Variants in DOCK11 observed in about 807,000 individuals in gnomAD.
DOCK11 encodes the protein dedicator of cytokinesis 11.
A neutral mutation model predicts 169.1 loss-of-function variants in DOCK11; 70 were observed. The observed-to-expected ratio is 0.41, with a 90% CI of 0.34 to 0.51. The LOEUF (loss-of-function observed/expected upper bound fraction) is 0.51, where lower values mean the gene tolerates loss of function less well. DOCK11 is among the 20% of genes least tolerant of loss of function. The pLI is 0.10. For missense variants in DOCK11, 1,166 were observed against 1,538.8 expected (o/e 0.76, Z 4.05); for synonymous variants, 529 against 541.3 (o/e 0.98, Z 0.32).
intron 52 of DOCK11, among the ~76,000 whole-genome samples, chrX:118,684,396 C>T (rs1603194916): frequency 9.3e-6 from 1 of 107,677 alleles, no homozygotes; most frequent in East Asian, 2.9e-4. Context: ...CCTCAGCCTC[C>T]CAAGTAGCTG....
chrX:118,520,062 T>C (rs2057713259), intron 1 of DOCK11, among the ~76,000 whole-genome samples: 2 of 112,166 alleles, frequency 1.8e-5, no homozygotes, highest in South Asian at 7.5e-4. Context: ...CTCCTCAGTC[T>C]CTAAGAGAAC....
chrX:118,546,210 CAAAAAAA>C (rs1556269491), intron 6 of DOCK11, 94 bp downstream of exon 6: 43 of 49,239 alleles, frequency 8.7e-4, no homozygotes, highest in Admixed American at 1.0e-3. Flanking sequence ...AGAGCCCTAG[CAAAAAAA>C]AAAAAAAAAA....
At position 118,605,346 on chromosome X, in the gene DOCK11, A is replaced by G; in HGVS notation, c.2671A>G (p.Asn891Asp). 1 of 1,160,562 alleles carries G rather than the reference A, an allele frequency of 8.6e-7. No homozygotes were observed. Among genetic ancestry groups the G allele is most frequent in the Non-Finnish European group, 1.2e-6 (1 of 859,002 alleles). The change falls in exon 24 of 53, where the codon AAC becomes GAC. Residue 891 changes from asparagine to aspartate, a missense_variant. Transcript: ENST00000276202. Reference protein sequence around the residue: ...NMTHEDDVPINCTMVLLHIVS... With the variant: ...NMTHEDDVPIDCTMVLLHIVS... ...GACCCATGAAGATGACGTTCCTATC[A>G]ACTGCACCATGTGAGTTTTGGTGTT... is the stretch of plus-strand genomic sequence containing the variant.
chrX:118,672,524 C>T (rs2016503171), intron 46 of DOCK11, among the ~76,000 whole-genome samples: 1 of 112,967 alleles, frequency 8.9e-6, no homozygotes, highest in Non-Finnish European at 1.9e-5. Context: ...GCTCCACCTC[C>T]CGGGTTCACG....
chrX:118,572,686 T>C (rs1293968126), intron 11 of DOCK11, among the ~76,000 whole-genome samples: 2 of 112,080 alleles, frequency 1.8e-5, no homozygotes, highest in African/African-American at 6.5e-5. Flanking sequence ...GAACTATTAA[T>C]AATTGACTGT....
In DOCK11 at chrX:118,497,544, G is replaced by C. The variant is rs771741387; in HGVS notation, c.102+1471G>C. On this transcript the variant is annotated intron_variant, in intron 1 of 52. Coordinates refer to ENST00000276202, the MANE Select transcript of DOCK11 (RefSeq NM_144658.4). ...CCTTTAATGTTACTTTAATGGACTT[G>C]GCTTGTGTATTTCAGTCTGATTTTG... is the stretch of plus-strand genomic sequence containing the variant. 3.6e-5 allele frequency among the ~76,000 whole-genome samples: 4 copies of C among 112,092 alleles called. No homozygotes were observed. In the South Asian group the frequency reaches 1.5e-3, roughly 41 times the overall value.
At chrX:118,520,187 C>A (rs1054409003) in intron 1 of DOCK11, among the ~76,000 whole-genome samples, 3 of 111,890 alleles carry the variant, frequency 2.7e-5, no homozygotes, top group Non-Finnish European at 5.6e-5. Flanking sequence ...TATTAGGAAA[C>A]CAATATGATA....
intron 1 of DOCK11, among the ~76,000 whole-genome samples, chrX:118,542,519 TTTGTG>T (rs2012056975): frequency 1.5e-5 from 1 of 67,078 alleles, no homozygotes; most frequent in African/African-American, 5.8e-5. Flanking sequence ...TGTGTGTGTG[TTTGTG>T]TGTGTGTGTG....
chrX:118,534,061 T>G (rs1160613344), intron 1 of DOCK11, among the ~76,000 whole-genome samples: 1 of 112,485 alleles, frequency 8.9e-6, no homozygotes, highest in African/African-American at 3.2e-5. Context: ...AAAGGCTCTT[T>G]GCCATTCTAG....
intron 1 of DOCK11, among the ~76,000 whole-genome samples, chrX:118,496,683 G>T (rs1179833520): frequency 3.6e-5 from 4 of 112,038 alleles, no homozygotes; most frequent in Admixed American, 9.4e-5. Context: ...GGGTGCTGCT[G>T]CGGAGGAAGG....
At chrX:118,597,767 T>A (rs2014213984) in intron 21 of DOCK11, among the ~76,000 whole-genome samples, 1 of 111,551 alleles carries the variant, frequency 9.0e-6, no homozygotes, top group African/African-American at 3.3e-5. Flanking sequence ...ATTTTTTTAG[T>A]GGGGCTCAGA....
intron 24 of DOCK11, among the ~76,000 whole-genome samples, chrX:118,606,847 T>C (rs747898515): frequency 1.8e-5 from 2 of 110,904 alleles, no homozygotes; most frequent in African/African-American, 3.3e-5. Flanking sequence ...AATCAGAAAT[T>C]CCGGGAGAGG....
chrX:118,541,449 T>G (rs2011998356), intron 1 of DOCK11, among the ~76,000 whole-genome samples: 1 of 111,640 alleles, frequency 9.0e-6, no homozygotes, highest in African/African-American at 3.3e-5. Flanking sequence ...GTCAGTTGCA[T>G]GTGTACACAC....
chrX:118,619,439 C>G (rs2014907015), intron 31 of DOCK11, among the ~76,000 whole-genome samples: 1 of 95,222 alleles, frequency 1.1e-5, no homozygotes, highest in African/African-American at 3.9e-5. Context: ...TGAGATCATG[C>G]CACTGCACTC....
At chrX:118,551,063 G>T (rs2012476652) in intron 6 of DOCK11, among the ~76,000 whole-genome samples, 1 of 111,826 alleles carries the variant, frequency 8.9e-6, no homozygotes, top group African/African-American at 3.2e-5. Flanking sequence ...AGCATTGGTA[G>T]ATTTAGCAAC....
Position 118,590,277 on chromosome X carries a change from A to G in DOCK11, c.2114A>G (p.Asn705Ser), listed in dbSNP as rs951276998. 1.7e-6 allele frequency: 2 copies of G among 1,209,084 alleles called. No homozygotes were observed. The change falls in exon 19 of 53, where the codon AAC (asparagine) becomes AGC (serine). Residue 705 changes from asparagine (N) to serine (S), a missense_variant. Physicochemically the swap from Asn to Ser is conservative, Grantham distance 46. Transcript: ENST00000276202. ...TNAYAVVSHHNQNPEFYDEIK... is the reference protein window; with the variant it reads ...TNAYAVVSHHSQNPEFYDEIK... ...GCTTATGCTGTTGTCTCGCATCACA[A>G]CCAAAATCCAGAGTTCTATGATGAG...
At position 118,519,414 on chromosome X, in the gene DOCK11, G is replaced by T. The variant is rs185800000; in HGVS notation, c.103-23311G>T. 6.8e-3 allele frequency among the ~76,000 whole-genome samples: 760 copies of T among 112,045 alleles called. 9 individuals are homozygous for T. The highest frequency in any genetic ancestry group is 0.023 in the African/African-American group (709 of 30,847). ...AATACAAAAAAATTAGCCAGGCGTG[G>T]TGGCACACACCTGTAATCCCAGCTA... On this transcript the variant is annotated intron_variant, in intron 1 of 52. Transcript: ENST00000276202.
chrX:118,643,856 A>G (rs1392830036), intron 40 of DOCK11, among the ~76,000 whole-genome samples: 4 of 111,998 alleles, frequency 3.6e-5, no homozygotes, highest in Non-Finnish European at 7.5e-5. Flanking sequence ...TCGTTTTAAA[A>G]TTACCAAACC....
rs1175566002 is a variant in DOCK11 at position 118,637,932 on chromosome X, A to G, written c.3954-148A>G. ...GAATATGGCAAGCCCGCAATTAATT[A>G]TCTATGTATTTCTGTATAGCAAAAC... On this transcript the variant is annotated intron_variant, in intron 36 of 52. Coordinates refer to ENST00000276202, the MANE Select transcript of DOCK11 (RefSeq NM_144658.4). 3.2e-5 allele frequency: 14 copies of G among 431,602 alleles called. No homozygotes were observed. The Admixed American group carries it at 3.9e-4, about 12-fold the overall frequency. The allele number at this position is 431,602 out of a possible 1,213,427, so 35.6% of individuals were successfully genotyped here.
Sources: allele counts gnomAD v4.1 joint callset (sites outside exome capture counted in the v4.1 genomes callset), GRCh38; gene constraint gnomAD v4.1.1; transcripts MANE v1.5; gene names NCBI Gene and HGNC (gene_info 2026-07-23, HGNC 2026-07-21).